DISP3: variants seen among roughly 807,000 people sequenced by gnomAD.
The protein encoded by DISP3 is dispatched RND transporter family member 3, also known as protein dispatched homolog 3.
Under a neutral mutation model 135.3 loss-of-function variants are expected in DISP3, and 101 were observed. The ratio of observed to expected loss-of-function variants is 0.75; its 90% CI spans 0.64 to 0.88. The LOEUF is 0.88. DISP3 is among the 40% of genes least tolerant of loss of function. The pLI, the probability that DISP3 is intolerant of heterozygous loss-of-function variation, is 0.00. For missense variants in DISP3, 1,713 were observed against 1,878.6 expected, an observed-to-expected ratio of 0.91 and a Z score of 1.63; for synonymous variants, 856 against 817.0, an observed-to-expected ratio of 1.05 and a Z score of -0.81.
At chr1:11,493,373 C>T (rs948012853) in intron 1 of DISP3, among the ~76,000 whole-genome samples, 1 of 152,214 alleles carries the variant, frequency 6.6e-6, no homozygotes, top group Non-Finnish European at 1.5e-5. Flanking sequence ...TCAACTGATT[C>T]GTTGAGGCCC....
chr1:11,489,062 G>C (rs1641113984), intron 1 of DISP3, among the ~76,000 whole-genome samples: 1 of 152,232 alleles, frequency 6.6e-6, no homozygotes, highest in Non-Finnish European at 1.5e-5. Context: ...TCTGCTGCTG[G>C]TCTCCTCAGC....
chr1:11,498,272 C>T lies in DISP3; in HGVS notation c.-3-2718C>T, dbSNP rs541458302. Among the ~76,000 whole-genome samples, 7 of 152,290 alleles carry T rather than the reference C, an allele frequency of 4.6e-5. No individual in the cohort carries two copies. The South Asian group carries it at 8.3e-4, about 18-fold the overall frequency. On this transcript the variant is annotated intron_variant, in intron 1 of 20. Coordinates refer to ENST00000294484, the MANE Select transcript of DISP3 (RefSeq NM_020780.2). Reference sequence around the variant, plus strand: ...GCTCTACTCTGTGGTATCTGGGCCTCGGCTGGAAAGACTTCAAGGCTAGTG... The same window carrying T: ...GCTCTACTCTGTGGTATCTGGGCCTTGGCTGGAAAGACTTCAAGGCTAGTG...
intron 1 of DISP3, among the ~76,000 whole-genome samples, chr1:11,486,314 CT>C (rs1481129308): frequency 6.6e-6 from 1 of 152,194 alleles, no homozygotes; most frequent in Non-Finnish European, 1.5e-5. Flanking sequence ...TTGTTCCTCC[CT>C]GCAATCCAGG....
rs775347959 is a variant in DISP3 at position 11,525,142 on chromosome 1, G to A, written c.2477-34G>A. On this transcript the variant is annotated intron_variant, in intron 11 of 20. Coordinates refer to ENST00000294484, the MANE Select transcript of DISP3 (RefSeq NM_020780.2). ...GTCAGGAGAAGCCAGTCGAGGTCAAGTCCACCCCTCTTTCATCCCTTATTT... is the reference window on the plus strand; with the variant it reads ...GTCAGGAGAAGCCAGTCGAGGTCAAATCCACCCCTCTTTCATCCCTTATTT... 5 of 1,610,110 alleles carry A rather than the reference G, an allele frequency of 3.1e-6. No individual in the cohort carries two copies. The Admixed American group carries it at 8.3e-5, about 27-fold the overall frequency.
chr1:11,494,779 A>G (rs1029305476), intron 1 of DISP3, among the ~76,000 whole-genome samples: 1 of 152,248 alleles, frequency 6.6e-6, no homozygotes, highest in Non-Finnish European at 1.5e-5. Flanking sequence ...ATATACATAT[A>G]CGTAGTTTAA....
chr1:11,504,785 A>G (rs1641651356), intron 3 of DISP3, among the ~76,000 whole-genome samples: 1 of 152,174 alleles, frequency 6.6e-6, no homozygotes, highest in Non-Finnish European at 1.5e-5. Flanking sequence ...CATGCTGTTG[A>G]ACTTCCCAGC....
At chr1:11,484,682 C>G (rs1053038370) in intron 1 of DISP3, among the ~76,000 whole-genome samples, 1 of 152,154 alleles carries the variant, frequency 6.6e-6, no homozygotes, top group Non-Finnish European at 1.5e-5. Context: ...AGATGGGGAA[C>G]CTGCCAGTTT....
In DISP3 at chr1:11,501,259, A is replaced by G; in HGVS notation, c.267A>G (p.Ser89=). The G allele has an allele frequency of 6.2e-7, 1 of 1,614,090 alleles. No homozygotes were observed. The highest frequency in any genetic ancestry group is 8.5e-7 in the Non-Finnish European group (1 of 1,180,008). Residue 89 remains serine (S), a synonymous_variant, in exon 2 of 21, where the codon TCA becomes TCG. Transcript: ENST00000294484. This position sits in a 1 kb window ranked among gnomAD's most constrained non-coding sequence, Gnocchi z 4.9. ...FLGCSIPMAL[S]AFMFLYYPPL... ...GCTGCAGCATCCCCATGGCCCTGTC[A>G]GCCTTCATGTTCCTTTACTACCCAC...
At chr1:11,534,655 GA>G (rs1642660645) in intron 18 of DISP3, 115 bp downstream of exon 18, 1 of 1,367,696 alleles carries the variant, frequency 7.3e-7, no homozygotes, top group African/African-American at 1.5e-5. Context: ...GAGCCCTGAG[GA>G]AACCGGGTGG....
chr1:11,489,659 G>A (rs1008791667), intron 1 of DISP3, among the ~76,000 whole-genome samples: 6 of 152,112 alleles, frequency 3.9e-5, no homozygotes, highest in African/African-American at 9.7e-5. Context: ...ATCTCTTCCC[G>A]CTCCCCATCT....
Position 11,501,716 on chromosome 1 carries a change from G to T in DISP3, c.724G>T (p.Val242Phe). Residue 242 changes from valine to phenylalanine, a missense_variant, in exon 2 of 21, where the codon GTC becomes TTC. This residue lies in a region of DISP3 where 571 missense variants were observed against 494.1 expected (regional missense o/e 1.16). Transcript: ENST00000294484. The surrounding 1 kb of genome is among the most constrained non-coding windows in gnomAD (Gnocchi z 4.9). ...YQPSIPPHAA[V>F]AANQSRARRG... ...GCCCAGCATCCCGCCCCACGCGGCA[G>T]TCGCGGCCAATCAGAGCCGTGCCCG... 1 of 1,599,048 alleles carries T rather than the reference G, an allele frequency of 6.3e-7. No homozygotes were observed. Among genetic ancestry groups the T allele is most frequent in the Non-Finnish European group, 8.5e-7 (1 of 1,172,910 alleles).
intron 1 of DISP3, among the ~76,000 whole-genome samples, chr1:11,486,434 G>A (rs1641038230): frequency 6.6e-6 from 1 of 152,174 alleles, no homozygotes; most frequent in Admixed American, 6.5e-5. Flanking sequence ...AAGGCTGGCT[G>A]AGAGTGTGCA....
rs1169140242 is a variant in DISP3 at position 11,514,385 on chromosome 1, C to T, written c.1317-5C>T. The T allele has an allele frequency of 3.1e-6, 5 of 1,608,392 alleles. No homozygotes were observed. Among genetic ancestry groups the T allele is most frequent in the East Asian group, 2.2e-5 (1 of 44,794 alleles). On this transcript the variant is annotated splice_polypyrimidine_tract_variant and splice_region_variant and intron_variant, in intron 3 of 20. Transcript: ENST00000294484. ...TTCTTTTCTCCACGTCCTCCCTTCC[C>T]CCAGCAAAGTCCAGGTTCTCTATGG...
At chr1:11,512,527 A>C (rs1483823944) in intron 3 of DISP3, among the ~76,000 whole-genome samples, 1 of 152,090 alleles carries the variant, frequency 6.6e-6, no homozygotes, top group Non-Finnish European at 1.5e-5. Context: ...CCTCATCTCC[A>C]TCTGAGACCA....
chr1:11,481,063 T>TCTCTCTCTCTCA (rs111980045), intron 1 of DISP3, among the ~76,000 whole-genome samples: 1 of 144,842 alleles, frequency 6.9e-6, no homozygotes, highest in African/African-American at 2.6e-5. Flanking sequence ...TCTCTCTCTC[T>TCTCTCTCTCTCA]CACACACATA....
intron 11 of DISP3, 123 bp downstream of exon 11, chr1:11,524,178 C>A (rs1642340108): frequency 1.3e-6 from 1 of 760,138 alleles, no homozygotes; most frequent in Admixed American, 2.3e-5. Flanking sequence ...TGTTCCTGGT[C>A]ACTGCAGAGG....
At chr1:11,498,211 C>T (rs924249482) in intron 1 of DISP3, among the ~76,000 whole-genome samples, 41 of 152,296 alleles carry the variant, frequency 2.7e-4, no homozygotes, top group African/African-American at 9.1e-4. Context: ...TCGTGCATTC[C>T]GCGGGTCAGG....
intron 13 of DISP3, among the ~76,000 whole-genome samples, chr1:11,528,473 G>A (rs1156613761): frequency 6.6e-6 from 1 of 152,248 alleles, no homozygotes; most frequent in East Asian, 1.9e-4. Context: ...TGCTGGCACT[G>A]TGCTAGGGAT....
chr1:11,531,496 C>G lies in DISP3; in HGVS notation c.3230-69C>G. On this transcript the variant is annotated intron_variant, in intron 16 of 20. Transcript: ENST00000294484. The surrounding 1 kb of genome is among the most constrained non-coding windows in gnomAD (Gnocchi z 5.2). ...TCAGAGGTATGTGAGTGCGTGGGCA[C>G]AGGTGTGATGCAGGGGGACAGGCTC... 6.2e-7 allele frequency: 1 copy of G among 1,605,004 alleles called. No individual in the cohort carries two copies. Among genetic ancestry groups the G allele is most frequent in the Non-Finnish European group, 8.5e-7 (1 of 1,173,314 alleles).
Sources: allele counts gnomAD v4.1 joint callset (sites outside exome capture counted in the v4.1 genomes callset), GRCh38; gene constraint gnomAD v4.1.1; regional missense constraint gnomAD v4.1.1; non-coding constraint Gnocchi (gnomAD v3.1); transcripts MANE v1.5; gene names NCBI Gene and HGNC (gene_info 2026-07-23, HGNC 2026-07-21).